FOXH1: variants seen among roughly 807,000 people sequenced by gnomAD.
FOXH1 encodes the protein forkhead box protein H1.
In FOXH1, 10 loss-of-function variants were observed where a neutral mutation model predicts 14.2. The observed-to-expected ratio is 0.70, with a 90% CI of 0.43 to 1.19. The LOEUF is 1.19. Ranked by LOEUF, FOXH1 falls within the 50% of genes most tolerant of loss-of-function variation. The probability of loss-of-function intolerance (pLI) is 0.00; values close to 1 mark genes in which losing one functional copy is unlikely to be tolerated. For missense variants in FOXH1, 643 were observed against 492.1 expected (o/e 1.31, Z -2.90); for synonymous variants, 273 against 209.5 (o/e 1.30, Z -2.62).
In FOXH1 at chr8:144,475,284, C is replaced by G. The variant is rs189243737; in HGVS notation, c.175-23G>C. ...GATCTGAAACCGCCAGGCGGCCGGC[C>G]GGCGCCGTGAGCCCAGACGGGGAGG... On this transcript the variant is annotated intron_variant, in intron 1 of 2. Transcript: ENST00000377317. 1,423 of 1,597,390 alleles carry G rather than the reference C, an allele frequency of 8.9e-4. 9 individuals carry two copies. The African/African-American group carries it at 0.018, about 20-fold the overall frequency.
rs536501327 is a variant in FOXH1 at position 144,474,312 on chromosome 8, C to T, written c.1024G>A (p.Asp342Asn). 3 of 1,611,968 alleles carry T rather than the reference C, an allele frequency of 1.9e-6. No individual in the cohort carries two copies. The highest frequency in any genetic ancestry group is 2.5e-6 in the Non-Finnish European group (3 of 1,179,322). ...QGVPPNKSIY[D>N]VWVSHPRDLA... ...TCCCGAGGGTGGCTGACCCAAACGTCGTAGATGCTTTTGTTGGGTGGCACC... is the reference window on the plus strand; with the variant it reads ...TCCCGAGGGTGGCTGACCCAAACGTTGTAGATGCTTTTGTTGGGTGGCACC... Residue 342 changes from aspartate (D) to asparagine (N), a missense_variant, in exon 3 of 3, where the codon GAC (aspartate) becomes AAC (asparagine). By Grantham distance (23) the Asp-to-Asn change is conservative. Coordinates refer to ENST00000377317, the MANE Select transcript of FOXH1 (RefSeq NM_003923.3).
At chr8:144,475,557 G>A in intron 1 of FOXH1, 26 bp downstream of exon 1, 1 of 1,446,734 alleles carries the variant, frequency 6.9e-7, no homozygotes, top group Non-Finnish European at 9.1e-7. Context: ...TGGGGAAAGA[G>A]AGAGTGGGGG....
Position 144,474,414 on chromosome 8 carries a change from G to A in FOXH1, c.922C>T (p.Pro308Ser). Residue 308 changes from proline to serine, a missense_variant, in exon 3 of 3, where the codon CCT (proline) becomes TCT (serine). Physicochemically the swap from Pro to Ser is moderately conservative, Grantham distance 74 (BLOSUM62 -1). Coordinates refer to ENST00000377317, the MANE Select transcript of FOXH1 (RefSeq NM_003923.3). Reference protein sequence around the residue: ...TSCPQCPSTSPAYWGVAPETR... With the variant: ...TSCPQCPSTSSAYWGVAPETR... Reference sequence around the variant, plus strand: ...TCAGGGGCCACCCCCCAGTAGGCAGGGCTGGTTGACGGACACTGGGGACAG... The same window carrying A: ...TCAGGGGCCACCCCCCAGTAGGCAGAGCTGGTTGACGGACACTGGGGACAG... The A allele has an allele frequency of 6.2e-7, 1 of 1,613,328 alleles. No homozygotes were observed. The highest frequency in any genetic ancestry group is 1.1e-5 in the South Asian group (1 of 91,086).
Position 144,474,658 on chromosome 8 carries a change from C to T in FOXH1, c.678G>A (p.Thr226=), listed in dbSNP as rs548599748. The part of the protein sequence containing the change: ...LWPLCPLPGP[T]RVEGETVQGG... ...CCTGCACAGTCTCCCCCTCCACTCT[C>T]GTGGGGCCAGGAAGGGGGCAGAGGG... Residue 226 remains threonine (T), a synonymous_variant, in exon 3 of 3, where the codon ACG becomes ACA. Coordinates refer to ENST00000377317, the MANE Select transcript of FOXH1 (RefSeq NM_003923.3). 6.4e-6 allele frequency: 10 copies of T among 1,556,076 alleles called. No homozygotes were observed. Among genetic ancestry groups the T allele is most frequent in the African/African-American group, 2.7e-5 (2 of 73,972 alleles).
At chr8:144,475,557 G>C (rs1284314360) in intron 1 of FOXH1, 26 bp downstream of exon 1, 2 of 1,446,616 alleles carry the variant, frequency 1.4e-6, no homozygotes, top group African/African-American at 2.9e-5. Context: ...TGGGGAAAGA[G>C]AGAGTGGGGG....
Position 144,475,184 on chromosome 8 carries a change from G to A in FOXH1, c.252C>T (p.Asn84=), listed in dbSNP as rs1825110379. 2 of 1,613,548 alleles carry A rather than the reference G, an allele frequency of 1.2e-6. No individual in the cohort carries two copies. Among genetic ancestry groups the A allele is most frequent in the Non-Finnish European group, 1.7e-6 (2 of 1,179,904 alleles). ...TGCGGAAGCATCGGTTGGAGGAAAG[G>A]TTGTGGCGAATGGAGTCTTTCCAGC... The part of the protein sequence containing the change: ...YEGWKDSIRH[N]LSSNRCFRKV... Residue 84 remains asparagine (N), a synonymous_variant, in exon 2 of 3, where the codon AAC becomes AAT. Coordinates refer to ENST00000377317, the MANE Select transcript of FOXH1 (RefSeq NM_003923.3).
chr8:144,475,310 G>A lies in FOXH1; in HGVS notation c.175-49C>T, dbSNP rs756827082. The stretch of plus-strand genomic sequence containing the variant: ...GGCGCCGTGAGCCCAGACGGGGAGG[G>A]GGTAGCGCCCTACCCCTCCCCCACT... On this transcript the variant is annotated intron_variant, in intron 1 of 2. Transcript: ENST00000377317. 33 of 1,490,682 alleles carry A rather than the reference G, an allele frequency of 2.2e-5. No individual in the cohort carries two copies. The South Asian group carries it at 3.5e-4, about 16-fold the overall frequency. 92.3% of individuals were successfully genotyped at this position (1,490,682 alleles called of 1,614,324 possible).
At position 144,474,250 on chromosome 8, in the gene FOXH1, C is replaced by G; in HGVS notation, c.1086G>C (p.Trp362Cys). ...AAPGPGWLLS[W>C]CSL Reference sequence around the variant, plus strand: ...TGTCTTAAGAGCCTCACAGGCTGCACCAGGAGAGCAGCCAGCCTGGGCCAG... The same window carrying G: ...TGTCTTAAGAGCCTCACAGGCTGCAGCAGGAGAGCAGCCAGCCTGGGCCAG... The change falls in exon 3 of 3, where the codon TGG becomes TGC. Residue 362 changes from tryptophan to cysteine, a missense_variant. Transcript: ENST00000377317. The G allele has an allele frequency of 1.3e-6, 2 of 1,580,872 alleles. No individual in the cohort carries two copies. Among genetic ancestry groups the G allele is most frequent in the Non-Finnish European group, 1.7e-6 (2 of 1,163,070 alleles).
At chr8:144,475,095 C>T in intron 2 of FOXH1, 39 bp from the exon 3 acceptor site, 3 of 1,602,862 alleles carry the variant, frequency 1.9e-6, no homozygotes, top group Non-Finnish European at 2.6e-6. Context: ...GCTGCCCAAC[C>T]TTGGATGCTC....
chr8:144,475,256 G>A lies in FOXH1; in HGVS notation c.180C>T (p.Ile60=), dbSNP rs1211626859. 5 of 1,612,608 alleles carry A rather than the reference G, an allele frequency of 3.1e-6. No homozygotes were observed. The highest frequency in any genetic ancestry group is 4.2e-6 in the Non-Finnish European group (5 of 1,179,516). Residue 60 remains isoleucine, a synonymous_variant, in exon 2 of 3, where the codon ATC becomes ATT. Transcript: ENST00000377317. ...AGGGGAACACGGCCTGGACCTGACG[G>A]ATGATCTGAAACCGCCAGGCGGCCG... ...PSRRLKLAQI[I]RQVQAVFPFF...
rs374547620 is a variant in FOXH1, at chr8:144,473,483, A to G, written c.*755T>C. On this transcript the variant is annotated 3_prime_UTR_variant, in exon 3 of 3. Transcript: ENST00000377317. ...CCTGTACCCCGTCTCCCAGGGCACA[A>G]GCTCCCTAGCCTCTTTGGATCCATT... 6.9e-7 allele frequency: 1 copy of G among 1,447,808 alleles called. No individual in the cohort carries two copies. Among genetic ancestry groups the G allele is most frequent in the South Asian group, 1.4e-5 (1 of 69,618 alleles). 89.7% of individuals were successfully genotyped at this position (1,447,808 alleles called of 1,614,324 possible).
At chr8:144,475,324 C>A in intron 1 of FOXH1, 63 bp from the exon 2 acceptor site, 1 of 1,358,212 alleles carries the variant, frequency 7.4e-7, no homozygotes, top group Non-Finnish European at 1.0e-6. Context: ...AGCGCCCTAC[C>A]CCTCCCCCAC....
chr8:144,473,988 GC>G lies in FOXH1; in HGVS notation c.*249del. ...AGGGGACTAGGAAGGGCTATTCCAGGCTCAGCCCTGCTCCTGCAGCTTTGCC... is the reference window on the plus strand; with the variant it reads ...AGGGGACTAGGAAGGGCTATTCCAGGTCAGCCCTGCTCCTGCAGCTTTGCC... On this transcript the variant is annotated 3_prime_UTR_variant, in exon 3 of 3. Transcript: ENST00000377317. 1.8e-6 allele frequency: 1 copy of G among 557,474 alleles called. No individual in the cohort carries two copies. Among genetic ancestry groups the G allele is most frequent in the Non-Finnish European group, 3.2e-6 (1 of 314,758 alleles). The allele number at this position is 557,474 out of a possible 1,614,324, so 34.5% of individuals were successfully genotyped here.
At chr8:144,475,336 A>G in intron 1 of FOXH1, 75 bp from the exon 2 acceptor site, 1 of 1,288,606 alleles carries the variant, frequency 7.8e-7, no homozygotes, top group African/African-American at 1.5e-5. Flanking sequence ...CTCCCCCACT[A>G]CCGGGCTCAG....
Position 144,475,262 on chromosome 8 carries a change from C to A in FOXH1, c.175-1G>T. 1 of 1,611,478 alleles carries A rather than the reference C, an allele frequency of 6.2e-7. No homozygotes were observed. Among genetic ancestry groups the A allele is most frequent in the African/African-American group, 1.3e-5 (1 of 75,024 alleles). On this transcript the variant is annotated splice_acceptor_variant, in intron 1 of 2. Transcript: ENST00000377317. LOFTEE classifies it high-confidence loss of function. ...ACACGGCCTGGACCTGACGGATGAT[C>A]TGAAACCGCCAGGCGGCCGGCCGGC...
In FOXH1 at chr8:144,475,838, G is replaced by T; in HGVS notation, c.-82C>A. ...GGGGCAGTGTAGAAGGCAGGGCCGG[G>T]ACCTGAGGCCGGGCTGGGGCAGGCG... On this transcript the variant is annotated 5_prime_UTR_variant, in exon 1 of 3. Transcript: ENST00000377317. 2.2e-6 allele frequency: 2 copies of T among 924,902 alleles called. No individual in the cohort carries two copies. Among genetic ancestry groups the T allele is most frequent in the Non-Finnish European group, 2.8e-6 (2 of 725,670 alleles). The allele number at this position is 924,902 out of a possible 1,614,324, so 57.3% of individuals were successfully genotyped here.
At position 144,475,601 on chromosome 8, in the gene FOXH1, G is replaced by A. The variant is rs1286887652; in HGVS notation, c.156C>T (p.Arg52=). The change falls in exon 1 of 3, where the codon CGC becomes CGT. Residue 52 remains arginine, a synonymous_variant. Transcript: ENST00000377317. ...CGCTCACCTGGGCCAGCTTCAGTCTGCGGGAGGGAGCGGCCTGAATCACCA... is the reference window on the plus strand; with the variant it reads ...CGCTCACCTGGGCCAGCTTCAGTCTACGGGAGGGAGCGGCCTGAATCACCA... The part of the protein sequence containing the change: ...IALVIQAAPS[R]RLKLAQIIRQ... 2 of 1,447,606 alleles carry A rather than the reference G, an allele frequency of 1.4e-6. No homozygotes were observed. The highest frequency in any genetic ancestry group is 5.0e-5 in the East Asian group (2 of 39,700). 89.7% of individuals were successfully genotyped at this position (1,447,606 alleles called of 1,614,324 possible).
At position 144,474,260 on chromosome 8, in the gene FOXH1, A is replaced by G. The variant is rs771278426; in HGVS notation, c.1076T>C (p.Leu359Pro). 2 of 1,587,446 alleles carry G rather than the reference A, an allele frequency of 1.3e-6. No individual in the cohort carries two copies. Among genetic ancestry groups the G allele is most frequent in the East Asian group, 2.2e-5 (1 of 44,692 alleles). The change falls in exon 3 of 3, where the codon CTG (leucine) becomes CCG (proline). Residue 359 changes from leucine (L) to proline (P), a missense_variant. Coordinates refer to ENST00000377317, the MANE Select transcript of FOXH1 (RefSeq NM_003923.3). ...GCCTCACAGGCTGCACCAGGAGAGC[A>G]GCCAGCCTGGGCCAGGGGCCGCCAG... The part of the protein sequence containing the change: ...RDLAAPGPGW[L>P]LSWCSL
intron 1 of FOXH1, 88 bp from the exon 2 acceptor site, chr8:144,475,349 G>A (rs1825117804): frequency 1.7e-6 from 2 of 1,172,668 alleles, no homozygotes; most frequent in African/African-American, 1.5e-5. Flanking sequence ...GGGCTCAGGG[G>A]CGCGCGGTGC....
Sources: allele counts gnomAD v4.1 joint callset, GRCh38; gene constraint gnomAD v4.1.1; transcripts MANE v1.5; gene names NCBI Gene and HGNC (gene_info 2026-07-23, HGNC 2026-07-21).